The following ATP6V1B2 variants were observed in gnomAD, a reference collection of about 807,000 sequenced individuals.
ATP6V1B2 encodes ATPase H+ transporting V1 subunit B2.
ATP6V1B2 carries 23 observed loss-of-function variants against 66.7 expected under a neutral mutation model. The ratio of observed to expected loss-of-function variants is 0.34; its 90% confidence interval spans 0.25 to 0.49. ATP6V1B2 has a LOEUF of 0.49. ATP6V1B2 is among the 20% of genes least tolerant of loss of function. The pLI is 0.99. For missense variants in ATP6V1B2, 478 were observed against 650.8 expected, an observed-to-expected ratio of 0.73 and a Z score of 2.89; for synonymous variants, 278 against 236.7, an observed-to-expected ratio of 1.17 and a Z score of -1.60.
At chr8:20,214,071 CT>C (rs2072824999) in intron 9 of ATP6V1B2, 1 of 152,208 alleles carries the variant, frequency 6.6e-6, no homozygotes, top group Non-Finnish European at 1.5e-5. Flanking sequence ...AACAGTTGGT[CT>C]GCAGACCGTG....
At chr8:20,205,477 A>G (rs191634335) in intron 2 of ATP6V1B2, among the ~76,000 whole-genome samples, 3 of 152,170 alleles carry the variant, frequency 2.0e-5, no homozygotes, top group African/African-American at 7.2e-5. Context: ...TGATACTGGG[A>G]AGGACTTAGA....
chr8:20,213,863 C>G (rs946562430), intron 9 of ATP6V1B2: 1 of 152,098 alleles, frequency 6.6e-6, no homozygotes, highest in African/African-American at 2.4e-5. Context: ...TTTTTCTCCC[C>G]CATCCATCAC....
chr8:20,214,773 G>A (rs2072834443), intron 9 of ATP6V1B2, 45 bp from the exon 10 acceptor site: 1 of 1,539,898 alleles, frequency 6.5e-7, no homozygotes, highest in South Asian at 1.2e-5. Flanking sequence ...AAGCAAGCTT[G>A]TTGTAATATC....
intron 11 of ATP6V1B2, 82 bp downstream of exon 11, chr8:20,216,577 A>G: frequency 7.6e-7 from 1 of 1,321,836 alleles, no homozygotes; most frequent in Non-Finnish European, 1.1e-6. Flanking sequence ...GCTCTTAGGA[A>G]TTGCTTTGCT....
Position 20,221,452 on chromosome 8 carries a change from T to G in ATP6V1B2, c.*1050T>G, listed in dbSNP as rs2072906160. The G allele has an allele frequency of 6.6e-6, 1 of 152,662 alleles. No homozygotes were observed. Among genetic ancestry groups the G allele is most frequent in the Non-Finnish European group, 1.5e-5 (1 of 68,080 alleles). The allele number at this position is 152,662 out of a possible 1,614,324, so 9.5% of individuals were successfully genotyped here. ...TCTGAATTCCTGCGCCTTCCTGACGTGAGCCCTGAGCGATCTTCTATGCAG... is the reference window on the plus strand; with the variant it reads ...TCTGAATTCCTGCGCCTTCCTGACGGGAGCCCTGAGCGATCTTCTATGCAG... On this transcript the variant is annotated 3_prime_UTR_variant, in exon 14 of 14. Transcript: ENST00000276390.
chr8:20,197,580 C>G (rs758248132), intron 1 of ATP6V1B2, 38 bp downstream of exon 1: 1 of 1,340,266 alleles, frequency 7.5e-7, no homozygotes, highest in East Asian at 2.8e-5. Flanking sequence ...GGTCTTTGCT[C>G]CCTAGCCTAG....
At chr8:20,208,454 T>G (rs1487722042) in intron 2 of ATP6V1B2, among the ~76,000 whole-genome samples, 1 of 152,220 alleles carries the variant, frequency 6.6e-6, no homozygotes, top group Non-Finnish European at 1.5e-5. Flanking sequence ...ATGATGCATC[T>G]TTCAATAAAT....
intron 1 of ATP6V1B2, among the ~76,000 whole-genome samples, chr8:20,200,558 G>A (rs116161731): frequency 1.7e-3 from 265 of 152,282 alleles, no homozygotes; most frequent in African/African-American, 6.1e-3. Context: ...ACATATTCAG[G>A]CTTGAAATTA....
intron 7 of ATP6V1B2, 78 bp downstream of exon 7, chr8:20,211,831 T>G (rs553807546): frequency 1.7e-6 from 2 of 1,171,352 alleles, no homozygotes; most frequent in Non-Finnish European, 1.2e-6. Context: ...GCTGTACATA[T>G]ATAGTTGAAT....
intron 13 of ATP6V1B2, 88 bp from the exon 14 acceptor site, chr8:20,220,175 C>T: frequency 7.1e-7 from 1 of 1,414,560 alleles, no homozygotes; most frequent in Non-Finnish European, 9.5e-7. Flanking sequence ...CTATTTAATA[C>T]ACTGCTAGTC....
At chr8:20,199,448 A>G (rs889687425) in intron 1 of ATP6V1B2, among the ~76,000 whole-genome samples, 1 of 152,160 alleles carries the variant, frequency 6.6e-6, no homozygotes, top group Non-Finnish European at 1.5e-5. Context: ...AGTTTCACTT[A>G]TATATCCGTG....
intron 1 of ATP6V1B2, among the ~76,000 whole-genome samples, chr8:20,199,878 TG>T (rs1420411556): frequency 6.6e-6 from 1 of 152,096 alleles, no homozygotes; most frequent in Non-Finnish European, 1.5e-5. Context: ...CCCAAAGTGC[TG>T]GGATAACAGG....
At chr8:20,204,196 T>C in intron 1 of ATP6V1B2, 1 of 416,198 alleles carries the variant, frequency 2.4e-6, no homozygotes. Context: ...GACTGAACTT[T>C]TGAGACAAGC....
chr8:20,216,366 A>G lies in ATP6V1B2; in HGVS notation c.1079-47A>G, dbSNP rs747965062. The G allele has an allele frequency of 3.9e-6, 6 of 1,551,666 alleles. No individual in the cohort carries two copies. The South Asian group carries it at 4.5e-5, about 12-fold the overall frequency. ...CTGAGAGATGGCCGCTTTAAAACTC[A>G]TAACCTAAAGATGCCATGCTTAATG... On this transcript the variant is annotated intron_variant, in intron 10 of 13. Coordinates refer to ENST00000276390, the MANE Select transcript of ATP6V1B2 (RefSeq NM_001693.4).
chr8:20,213,815 T>C (rs1450490026), intron 9 of ATP6V1B2: 1 of 152,214 alleles, frequency 6.6e-6, no homozygotes, highest in East Asian at 1.9e-4. Context: ...CTTACTCTGC[T>C]ATATTGCTGT....
Position 20,210,631 on chromosome 8 carries a change from T to C in ATP6V1B2, c.448T>C (p.Phe150Leu). 1 of 1,613,650 alleles carries C rather than the reference T, an allele frequency of 6.2e-7. No homozygotes were observed. Among genetic ancestry groups the C allele is most frequent in the South Asian group, 1.1e-5 (1 of 91,074 alleles). Residue 150 changes from phenylalanine to leucine, a missense_variant, in exon 5 of 14, where the codon TTC (phenylalanine) becomes CTC (leucine). Physicochemically the swap from Phe to Leu is conservative, Grantham distance 22. Transcript: ENST00000276390. ...AGGTCCTGTTGTACTGGCCGAAGAC[T>C]TCCTTGATATCATGGGTAGGTACAG... ...DRGPVVLAED[F>L]LDIMGQPINP...
intron 10 of ATP6V1B2, chr8:20,215,787 A>G (rs1474233181): frequency 6.6e-6 from 1 of 152,272 alleles, no homozygotes; most frequent in East Asian, 1.9e-4. Flanking sequence ...ATGTAATTTA[A>G]CAGATTTGGA....
chr8:20,209,689 G>A (rs906567454), intron 3 of ATP6V1B2, among the ~76,000 whole-genome samples, 158 bp downstream of exon 3: 7 of 151,988 alleles, frequency 4.6e-5, no homozygotes, highest in African/African-American at 1.7e-4. Context: ...ATGTTTTTTT[G>A]CTCAGTGTCA....
intron 1 of ATP6V1B2, among the ~76,000 whole-genome samples, chr8:20,203,274 C>T (rs1431750918): frequency 6.6e-6 from 1 of 152,174 alleles, no homozygotes; most frequent in Non-Finnish European, 1.5e-5. Flanking sequence ...TATGTGATGT[C>T]TGGATTTAAA....
Sources: gnomAD v4.1 joint callset for allele counts (sites outside exome capture counted in the v4.1 genomes callset) on GRCh38, gnomAD v4.1.1 for gene constraint, MANE v1.5 for transcripts, NCBI Gene and HGNC (gene_info 2026-07-23, HGNC 2026-07-21) for gene names.